SLC24A2: variants seen among roughly 807,000 people sequenced by gnomAD.
SLC24A2 encodes the protein sodium/potassium/calcium exchanger 2.
In SLC24A2, 36 loss-of-function variants were observed where a neutral mutation model predicts 62.0. The ratio of observed to expected loss-of-function variants is 0.58; its 90% CI spans 0.44 to 0.77. The LOEUF is 0.77. Ranked by LOEUF, SLC24A2 falls within the 30% of genes least tolerant of loss-of-function variation. The pLI, the probability that SLC24A2 is intolerant of heterozygous loss-of-function variation, is 0.00. For missense variants in SLC24A2, 846 were observed against 817.9 expected, an observed-to-expected ratio of 1.03 and a Z score of -0.42; for synonymous variants, 358 against 294.0, an observed-to-expected ratio of 1.22 and a Z score of -2.23.
the SLC24A2 span, among the ~76,000 whole-genome samples, chr9:20,154,460 A>G: frequency 6.6e-6 from 1 of 151,784 alleles, no homozygotes. Context: ...TTTTCACTAG[A>G]TGCGAAAGAA....
chr9:19,999,951 G>A, the SLC24A2 span, among the ~76,000 whole-genome samples: 501 of 152,252 alleles, frequency 3.3e-3, 4 homozygotes, highest in African/African-American at 0.012. Flanking sequence ...GGGTCTTAAT[G>A]GCCTGAATGT....
At chr9:20,266,337 T>C in the SLC24A2 span, among the ~76,000 whole-genome samples, 6 of 152,158 alleles carry the variant, frequency 3.9e-5, no homozygotes, top group Admixed American at 2.6e-4. Context: ...CCTTTATTTC[T>C]CTAAACGGCT....
chr9:19,715,160 C>T (rs1433289460), intron 2 of SLC24A2, among the ~76,000 whole-genome samples: 1 of 152,126 alleles, frequency 6.6e-6, no homozygotes, highest in Non-Finnish European at 1.5e-5. Context: ...TTCCCAATGT[C>T]AAGCTTTGAA....
chr9:19,795,767 A>G, the SLC24A2 span, among the ~76,000 whole-genome samples: 1 of 152,038 alleles, frequency 6.6e-6, no homozygotes, highest in Admixed American at 6.5e-5. Flanking sequence ...TTCTTCCCAT[A>G]TAGTTATATT....
At chr9:20,153,151 G>C in the SLC24A2 span, among the ~76,000 whole-genome samples, 1 of 151,880 alleles carries the variant, frequency 6.6e-6, no homozygotes, top group Non-Finnish European at 1.5e-5. Context: ...TTAACATTTT[G>C]ATGTTTTGCT....
At chr9:19,795,836 C>T in the SLC24A2 span, among the ~76,000 whole-genome samples, 4 of 152,016 alleles carry the variant, frequency 2.6e-5, no homozygotes, top group African/African-American at 9.7e-5. Context: ...AACTATGCGG[C>T]ACTATTCACA....
the SLC24A2 span, among the ~76,000 whole-genome samples, chr9:20,021,246 G>C: frequency 2.0e-5 from 3 of 152,002 alleles, no homozygotes; most frequent in African/African-American, 7.2e-5. Context: ...ATGCATGTTA[G>C]CGTGTAGTAT....
At chr9:20,196,722 C>T in the SLC24A2 span, among the ~76,000 whole-genome samples, 22 of 152,220 alleles carry the variant, frequency 1.4e-4, 1 homozygote, top group African/African-American at 4.8e-4. Flanking sequence ...TGCATTTTCC[C>T]ACCTTTTAAA....
chr9:20,102,582 T>C, the SLC24A2 span, among the ~76,000 whole-genome samples: 1 of 151,692 alleles, frequency 6.6e-6, no homozygotes, highest in Non-Finnish European at 1.5e-5. Context: ...CCATGGTACA[T>C]GTAAACCTTT....
intron 2 of SLC24A2, among the ~76,000 whole-genome samples, chr9:19,737,234 T>C (rs1049137945): frequency 1.3e-5 from 2 of 152,216 alleles, no homozygotes; most frequent in African/African-American, 4.8e-5. Context: ...TTAATAAATT[T>C]AAGAAGCTAA....
At chr9:20,222,902 C>A in the SLC24A2 span, among the ~76,000 whole-genome samples, 8 of 151,882 alleles carry the variant, frequency 5.3e-5, no homozygotes, top group African/African-American at 1.9e-4. Flanking sequence ...CGCTTTAATA[C>A]GGTAATGAAG....
intron 7 of SLC24A2, among the ~76,000 whole-genome samples, chr9:19,565,827 T>C (rs1290320038): frequency 6.6e-6 from 1 of 152,164 alleles, no homozygotes; most frequent in Non-Finnish European, 1.5e-5. Flanking sequence ...TATAACCATC[T>C]GATCTTTGAC....
chr9:20,191,963 G>T, the SLC24A2 span, among the ~76,000 whole-genome samples: 26 of 152,214 alleles, frequency 1.7e-4, no homozygotes, highest in Admixed American at 1.7e-3. Context: ...TGCACAGAGG[G>T]GTAAGATGAA....
chr9:19,885,540 G>A, the SLC24A2 span, among the ~76,000 whole-genome samples: 5 of 152,200 alleles, frequency 3.3e-5, no homozygotes, highest in African/African-American at 1.2e-4. Flanking sequence ...GCTCAGAGTT[G>A]TGCAGCTTGT....
At chr9:19,704,487 A>AT (rs147681584) in intron 2 of SLC24A2, among the ~76,000 whole-genome samples, 1 of 152,126 alleles carries the variant, frequency 6.6e-6, no homozygotes, top group African/African-American at 2.4e-5. Context: ...AATTATTTAA[A>AT]TTTTTTTCCT....
At chr9:20,082,601 C>G in the SLC24A2 span, among the ~76,000 whole-genome samples, 1 of 152,230 alleles carries the variant, frequency 6.6e-6, no homozygotes, top group Non-Finnish European at 1.5e-5. Context: ...AGCTGGCTGC[C>G]TGTCAGCAGC....
At chr9:19,994,944 T>C in the SLC24A2 span, among the ~76,000 whole-genome samples, 174 of 152,292 alleles carry the variant, frequency 1.1e-3, 5 homozygotes, top group East Asian at 0.031. Context: ...ATATCACTAA[T>C]TAAAAATGAC....
chr9:19,563,778 TGTTGG>T (rs1563968671), intron 7 of SLC24A2, among the ~76,000 whole-genome samples: 3,429 of 40,188 alleles, frequency 0.085, 701 homozygotes, highest in East Asian at 0.18. Flanking sequence ...GTAACAAAAC[TGTTGG>T]TTTTTATAAT....
At chr9:20,050,055 G>A in the SLC24A2 span, among the ~76,000 whole-genome samples, 3 of 151,922 alleles carry the variant, frequency 2.0e-5, no homozygotes, top group Non-Finnish European at 4.4e-5. Context: ...GCAGGAAAAT[G>A]GTATGAAATA....
Sources: allele counts gnomAD v4.1 joint callset (sites outside exome capture counted in the v4.1 genomes callset), GRCh38; gene constraint gnomAD v4.1.1; transcripts MANE v1.5; gene names NCBI Gene and HGNC (gene_info 2026-07-23, HGNC 2026-07-21).